The following CAMK1D variants were observed in gnomAD, a reference collection of about 807,000 sequenced individuals.
CAMK1D encodes calcium/calmodulin dependent protein kinase ID, also known as calcium/calmodulin-dependent protein kinase type 1D.
CAMK1D carries 9 observed loss-of-function variants against 47.7 expected under a neutral mutation model. The ratio of observed to expected loss-of-function variants is 0.19; its 90% confidence interval spans 0.11 to 0.33. The LOEUF is 0.33. CAMK1D is among the 10% of genes least tolerant of loss of function. CAMK1D has a pLI of 1.00. For synonymous variants in CAMK1D, 184 were observed against 184.9 expected (o/e 0.99, Z 0.04); for missense variants, 291 against 488.7 (o/e 0.60, Z 3.81).
intron 1 of CAMK1D, among the ~76,000 whole-genome samples, chr10:12,547,682 T>TCTCACACACA (rs10643491): frequency 3.4e-5 from 4 of 116,508 alleles, no homozygotes; most frequent in African/African-American, 7.5e-5. Context: ...TTTCTCTCTC[T>TCTCACACACA]CACACACACA....
chr10:12,684,516 A>G (rs901941389), intron 3 of CAMK1D, among the ~76,000 whole-genome samples: 3 of 152,224 alleles, frequency 2.0e-5, no homozygotes, highest in East Asian at 1.9e-4. Flanking sequence ...GTATTCCTCA[A>G]TATAGTAGAA....
At chr10:12,734,941 G>T (rs961882529) in intron 3 of CAMK1D, among the ~76,000 whole-genome samples, 25 of 152,296 alleles carry the variant, frequency 1.6e-4, no homozygotes, top group African/African-American at 6.0e-4. Context: ...TAAACATTCA[G>T]TAAGCATTTG....
At chr10:12,693,921 AAT>A (rs2130679851) in intron 3 of CAMK1D, among the ~76,000 whole-genome samples, 1 of 105,484 alleles carries the variant, frequency 9.5e-6, no homozygotes, top group Non-Finnish European at 1.8e-5. Context: ...TATATATAAA[AAT>A]ATATATAACA....
chr10:12,616,910 T>C (rs1031993187), intron 2 of CAMK1D, among the ~76,000 whole-genome samples: 1 of 152,160 alleles, frequency 6.6e-6, no homozygotes, highest in South Asian at 2.1e-4. Flanking sequence ...AACTGTTGAA[T>C]TACCGGACAC....
intron 2 of CAMK1D, among the ~76,000 whole-genome samples, chr10:12,665,851 C>T (rs1840412834): frequency 6.6e-6 from 1 of 152,254 alleles, no homozygotes; most frequent in Non-Finnish European, 1.5e-5. Flanking sequence ...CTTCGAGGCC[C>T]CAAGCAAACC....
At chr10:12,487,761 A>G (rs1041338642) in intron 1 of CAMK1D, among the ~76,000 whole-genome samples, 3 of 152,232 alleles carry the variant, frequency 2.0e-5, no homozygotes, top group Non-Finnish European at 4.4e-5. Context: ...TGTCTGTTCT[A>G]ACAGCAGAAT....
chr10:12,786,629 G>C (rs948231811), intron 5 of CAMK1D, among the ~76,000 whole-genome samples: 1 of 152,220 alleles, frequency 6.6e-6, no homozygotes, highest in African/African-American at 2.4e-5. Context: ...TGCAGTCATA[G>C]CTCACTGCAG....
chr10:12,515,765 G>C (rs535328041), intron 1 of CAMK1D, among the ~76,000 whole-genome samples: 5 of 151,586 alleles, frequency 3.3e-5, no homozygotes, highest in African/African-American at 1.2e-4. Flanking sequence ...GCCTGCCACA[G>C]CACCCGGCTA....
intron 1 of CAMK1D, among the ~76,000 whole-genome samples, chr10:12,424,844 A>G (rs1264857984): frequency 1.3e-5 from 2 of 152,138 alleles, no homozygotes; most frequent in Non-Finnish European, 2.9e-5. Context: ...GGGACTTCCC[A>G]TCACCCATGA....
chr10:12,654,932 C>G lies in CAMK1D; in HGVS notation c.225-11804C>G, dbSNP rs554664518. 2.0e-5 allele frequency among the ~76,000 whole-genome samples: 3 copies of G among 152,282 alleles called. No individual in the cohort carries two copies. In the South Asian group the frequency reaches 6.2e-4, roughly 32 times the overall value. On this transcript the variant is annotated intron_variant, in intron 2 of 10. Coordinates refer to ENST00000619168, the MANE Select transcript of CAMK1D (RefSeq NM_153498.4). Reference sequence around the variant, plus strand: ...TGGAGAAACTATAAAGAACTTGTTACGCCTAGGCCACGCCGCAGGCCAATC... The same window carrying G: ...TGGAGAAACTATAAAGAACTTGTTAGGCCTAGGCCACGCCGCAGGCCAATC...
intron 1 of CAMK1D, among the ~76,000 whole-genome samples, chr10:12,452,239 G>A (rs1833105322): frequency 6.6e-6 from 1 of 151,970 alleles, no homozygotes; most frequent in African/African-American, 2.4e-5. Flanking sequence ...TTAAAAAAAT[G>A]GTAATATGTA....
chr10:12,572,985 C>A (rs559906675), intron 2 of CAMK1D, among the ~76,000 whole-genome samples: 1 of 152,138 alleles, frequency 6.6e-6, no homozygotes, highest in Non-Finnish European at 1.5e-5. Context: ...CAGAGCTCTG[C>A]GAGTCATAGG....
chr10:12,428,639 C>T (rs1840333351), intron 1 of CAMK1D, among the ~76,000 whole-genome samples: 1 of 152,188 alleles, frequency 6.6e-6, no homozygotes, highest in Admixed American at 6.5e-5. Context: ...GGGCACTGTC[C>T]CATGTCAGGC....
intron 1 of CAMK1D, among the ~76,000 whole-genome samples, chr10:12,504,986 C>T (rs147925607): frequency 7.3e-5 from 11 of 151,650 alleles, no homozygotes; most frequent in Admixed American, 6.6e-5. Context: ...AACAAAGCAA[C>T]GCTTCGAAGC....
intron 2 of CAMK1D, among the ~76,000 whole-genome samples, chr10:12,606,261 C>A (rs1210849746): frequency 5.9e-5 from 9 of 152,204 alleles, no homozygotes; most frequent in Non-Finnish European, 1.0e-4. Context: ...GGGCCCCTCA[C>A]ACACAGCACC....
intron 2 of CAMK1D, among the ~76,000 whole-genome samples, chr10:12,625,250 C>A (rs1479406409): frequency 1.4e-5 from 2 of 146,020 alleles, no homozygotes; most frequent in Non-Finnish European, 3.0e-5. Context: ...GCAGGAGAAT[C>A]GCTTGGACCT....
At chr10:12,805,080 G>A (rs1295467915) in intron 6 of CAMK1D, among the ~76,000 whole-genome samples, 4 of 151,744 alleles carry the variant, frequency 2.6e-5, no homozygotes, top group Admixed American at 6.6e-5. Flanking sequence ...CCAACATGGT[G>A]AAACCCCGTC....
At chr10:12,513,630 C>G (rs181967505) in intron 1 of CAMK1D, among the ~76,000 whole-genome samples, 1 of 151,668 alleles carries the variant, frequency 6.6e-6, no homozygotes, top group East Asian at 1.9e-4. Flanking sequence ...TACAAAAATC[C>G]AAAAAAAGAA....
intron 1 of CAMK1D, among the ~76,000 whole-genome samples, chr10:12,517,950 G>A (rs1835260412): frequency 6.6e-6 from 1 of 152,116 alleles, no homozygotes; most frequent in South Asian, 2.1e-4. Context: ...TAGAAGAAAT[G>A]GTGTAGAATT....
Sources: allele counts gnomAD v4.1 joint callset (sites outside exome capture counted in the v4.1 genomes callset), GRCh38; gene constraint gnomAD v4.1.1; transcripts MANE v1.5; gene names NCBI Gene and HGNC (gene_info 2026-07-23, HGNC 2026-07-21).